PTPRG: variants seen among roughly 807,000 people sequenced by gnomAD.
PTPRG encodes receptor-type tyrosine-protein phosphatase gamma.
In PTPRG, 102 loss-of-function variants were observed where a neutral mutation model predicts 165.3. The observed-to-expected ratio is 0.62, with a 90% CI of 0.53 to 0.73. The LOEUF (loss-of-function observed/expected upper bound fraction) is 0.73, where lower values mean the gene tolerates loss of function less well. Among genes scored for constraint, PTPRG ranks in the 30% least tolerant of loss-of-function variants. The pLI, the probability that PTPRG is intolerant of heterozygous loss-of-function variation, is 0.00. For missense variants in PTPRG, 1,866 were observed against 1,861.4 expected (o/e 1.00, Z -0.05); for synonymous variants, 675 against 669.5 (o/e 1.01, Z -0.13).
intron 1 of PTPRG, among the ~76,000 whole-genome samples, chr3:61,674,694 C>A (rs1559551711): frequency 6.6e-6 from 1 of 152,038 alleles, no homozygotes; most frequent in African/African-American, 2.4e-5. Flanking sequence ...CTTGACCTTT[C>A]TCTTTGTAAC....
At chr3:62,239,349 C>CTTT (rs1168589653) in intron 14 of PTPRG, among the ~76,000 whole-genome samples, 5 of 144,104 alleles carry the variant, frequency 3.5e-5, no homozygotes, top group African/African-American at 1.3e-4. Context: ...TTCTTTCTTT[C>CTTT]TTTTTTCTTT....
intron 1 of PTPRG, among the ~76,000 whole-genome samples, chr3:61,621,051 ATGTGTGTGTGTGTGTGTGTGTGTGTG>A (rs1173192341): frequency 1.5e-4 from 18 of 117,962 alleles, no homozygotes; most frequent in Admixed American, 1.9e-4. Flanking sequence ...ATATATATAT[ATGTGTGTGTGTGTGTGTGTGTGTGTG>A]TATATTTATT....
At chr3:61,809,862 C>A (rs571862992) in intron 2 of PTPRG, among the ~76,000 whole-genome samples, 22 of 152,294 alleles carry the variant, frequency 1.4e-4, no homozygotes, top group South Asian at 4.1e-4. Context: ...AAGCTCTGTG[C>A]TCTCTTGATT....
At chr3:61,849,533 C>G (rs553866528) in intron 2 of PTPRG, among the ~76,000 whole-genome samples, 23 of 152,288 alleles carry the variant, frequency 1.5e-4, no homozygotes, top group Admixed American at 5.9e-4. Context: ...GATTTACGCT[C>G]GCTGACTGAA....
At position 62,252,335 on chromosome 3, in the gene PTPRG, A is replaced by G. The variant is rs1459278743; in HGVS notation, c.2468-2789A>G. Reference sequence around the variant, plus strand: ...ATCCAGGGGTTTCCCATTCTCTCTGAGTCGGAGCACTTTTTATCTAGGGTC... The same window carrying G: ...ATCCAGGGGTTTCCCATTCTCTCTGGGTCGGAGCACTTTTTATCTAGGGTC... On this transcript the variant is annotated intron_variant, in intron 15 of 29. Coordinates refer to ENST00000474889, the MANE Select transcript of PTPRG (RefSeq NM_002841.4). The surrounding 1 kb of genome is among the most constrained non-coding windows in gnomAD (Gnocchi z 4.6). Among the ~76,000 whole-genome samples, 1 of 152,192 alleles carries G rather than the reference A, an allele frequency of 6.6e-6. No individual in the cohort carries two copies. The highest frequency in any genetic ancestry group is 1.5e-5 in the Non-Finnish European group (1 of 68,014).
intron 4 of PTPRG, among the ~76,000 whole-genome samples, chr3:62,012,384 A>G (rs950250474): frequency 6.6e-6 from 1 of 152,084 alleles, no homozygotes; most frequent in Admixed American, 6.5e-5. Flanking sequence ...GGTAGAAGTC[A>G]TTTTTTCAGA....
intron 2 of PTPRG, among the ~76,000 whole-genome samples, chr3:61,932,497 A>G (rs2039386047): frequency 6.6e-6 from 1 of 152,202 alleles, no homozygotes; most frequent in South Asian, 2.1e-4. Flanking sequence ...CTAGCCTTTA[A>G]AAGGGTCGAA....
At position 62,295,054 on chromosome 3, in the gene PTPRG, G is replaced by T. The variant is rs1368230915; in HGVS notation, c.*1747G>T. 6.6e-6 allele frequency: 1 copy of T among 152,034 alleles called. No individual in the cohort carries two copies. Among genetic ancestry groups the T allele is most frequent in the Non-Finnish European group, 1.5e-5 (1 of 67,980 alleles). The allele number at this position is 152,034 out of a possible 1,614,324, so 9.4% of individuals were successfully genotyped here. A position where few individuals can be genotyped will look rare whatever the true frequency, so the allele number is the denominator to read the frequency against. On this transcript the variant is annotated 3_prime_UTR_variant, in exon 30 of 30. Transcript: ENST00000474889. ...TTCATAAACTACATAATTTACCAGG[G>T]TTTATCTCATCTTCTCAATACATAG...
chr3:61,808,526 G>T (rs1015706319), intron 2 of PTPRG, among the ~76,000 whole-genome samples: 9 of 152,108 alleles, frequency 5.9e-5, no homozygotes, highest in Non-Finnish European at 1.2e-4. Context: ...TCCCAGGCAG[G>T]AATCAATTTC....
At chr3:62,176,381 G>A (rs1705424056) in intron 8 of PTPRG, among the ~76,000 whole-genome samples, 1 of 152,166 alleles carries the variant, frequency 6.6e-6, no homozygotes, top group African/African-American at 2.4e-5. Flanking sequence ...AAGTGGTAGA[G>A]CTCAGACGTG....
chr3:61,821,158 G>T (rs2035942942), intron 2 of PTPRG, among the ~76,000 whole-genome samples: 1 of 151,168 alleles, frequency 6.6e-6, no homozygotes, highest in Non-Finnish European at 1.5e-5. Flanking sequence ...GTTCTCATTT[G>T]TCTGCTCTTC....
intron 2 of PTPRG, among the ~76,000 whole-genome samples, chr3:61,968,942 TG>T (rs2040329959): frequency 6.6e-6 from 1 of 152,232 alleles, no homozygotes; most frequent in Admixed American, 6.5e-5. Context: ...TGGTGTTGTC[TG>T]TACTCTGTAC....
At chr3:61,972,353 T>C (rs1043088600) in intron 2 of PTPRG, among the ~76,000 whole-genome samples, 3 of 152,140 alleles carry the variant, frequency 2.0e-5, no homozygotes, top group African/African-American at 7.2e-5. Context: ...GCCTTATAGA[T>C]GATTTTTCAG....
chr3:61,684,308 G>A (rs1051774676), intron 1 of PTPRG, among the ~76,000 whole-genome samples: 2 of 152,294 alleles, frequency 1.3e-5, no homozygotes, highest in African/African-American at 2.4e-5. Context: ...CTGTGCTGTC[G>A]GGACACATCT....
chr3:61,564,341 T>G (rs927142146), intron 1 of PTPRG, among the ~76,000 whole-genome samples: 1 of 152,106 alleles, frequency 6.6e-6, no homozygotes. Context: ...CAATTCCACT[T>G]CTGTCCTTCT....
At chr3:62,092,928 G>T (rs192992442) in intron 5 of PTPRG, among the ~76,000 whole-genome samples, 296 of 152,310 alleles carry the variant, frequency 1.9e-3, no homozygotes, top group South Asian at 0.01. Flanking sequence ...CACCTAACAG[G>T]TTTGTGATGT....
chr3:61,740,360 G>A (rs2032928754), intron 1 of PTPRG, among the ~76,000 whole-genome samples: 1 of 152,016 alleles, frequency 6.6e-6, no homozygotes, highest in Admixed American at 6.6e-5. Context: ...AGGGAACCAT[G>A]GTATTTTTCA....
At chr3:62,181,106 A>G (rs1705628205) in intron 8 of PTPRG, among the ~76,000 whole-genome samples, 1 of 152,238 alleles carries the variant, frequency 6.6e-6, no homozygotes, top group Non-Finnish European at 1.5e-5. Context: ...TGTACTGTGT[A>G]GAAGAAAAGT....
intron 6 of PTPRG, among the ~76,000 whole-genome samples, chr3:62,136,410 G>A (rs1644415607): frequency 6.6e-6 from 1 of 152,200 alleles, no homozygotes; most frequent in South Asian, 2.1e-4. Flanking sequence ...GAGAAGGGAT[G>A]CAGGCAGGAC....
Sources: gnomAD v4.1 joint callset for allele counts (sites outside exome capture counted in the v4.1 genomes callset) on GRCh38, gnomAD v4.1.1 for gene constraint, Gnocchi (gnomAD v3.1) non-coding constraint, MANE v1.5 for transcripts, NCBI Gene and HGNC (gene_info 2026-07-23, HGNC 2026-07-21) for gene names.